MAMSTR: variants seen among roughly 807,000 people sequenced by gnomAD.
The protein encoded by MAMSTR is MEF2-activating motif and SAP domain-containing transcriptional regulator.
Under a neutral mutation model 42.7 loss-of-function variants are expected in MAMSTR, and 41 were observed. The ratio of observed to expected loss-of-function variants is 0.96; its 90% CI spans 0.75 to 1.25. The LOEUF (loss-of-function observed/expected upper bound fraction) is 1.25. Among genes scored for constraint, MAMSTR ranks in the 50% most tolerant of loss-of-function variants. The pLI is 0.00. For missense variants in MAMSTR, 567 were observed against 557.6 expected (o/e 1.02, Z -0.17); for synonymous variants, 265 against 244.1 (o/e 1.09, Z -0.80).
chr19:48,708,116 C>T (rs1026891771), downstream of MAMSTR, among the ~76,000 whole-genome samples: 1 of 151,826 alleles, frequency 6.6e-6, no homozygotes, highest in Admixed American at 6.6e-5. Flanking sequence ...TGCCTGTAAT[C>T]CCAGCTACTC....
At position 48,715,631 on chromosome 19, in the gene MAMSTR, T is replaced by C; in HGVS notation, c.234A>G (p.Pro78=). ...EPEYCPPWRS[P]KKESPKISQR... is the part of the protein sequence containing the mutation. ...CCCTCCAGTCGAGACTCACCTTCTT[T>C]GGGGACCTCCAAGGAGGACAATATT... The change falls in exon 4 of 10, where the codon CCA becomes CCG. Residue 78 remains proline, a synonymous_variant. Coordinates refer to ENST00000318083, the MANE Select transcript of MAMSTR (RefSeq NM_001130915.2). 5 of 1,539,828 alleles carry C rather than the reference T, an allele frequency of 3.2e-6. No individual in the cohort carries two copies. Among genetic ancestry groups the C allele is most frequent in the Non-Finnish European group, 4.4e-6 (5 of 1,143,874 alleles).
At chr19:48,717,693 C>G (rs1261074866) in intron 2 of MAMSTR, among the ~76,000 whole-genome samples, 2 of 151,262 alleles carry the variant, frequency 1.3e-5, no homozygotes, top group Non-Finnish European at 2.9e-5. Flanking sequence ...CACCACCACA[C>G]CCGGCTAATT....
rs577047394 is a variant in MAMSTR at position 48,714,644 on chromosome 19, C to T, written c.529-84G>A. On this transcript the variant is annotated intron_variant, in intron 6 of 9. Coordinates refer to ENST00000318083, the MANE Select transcript of MAMSTR (RefSeq NM_001130915.2). ...GGAGCTGGACAGGATATTTGGAAACCGAGAAAGGAGGCACTGGGGGTCCGG... is the reference window on the plus strand; with the variant it reads ...GGAGCTGGACAGGATATTTGGAAACTGAGAAAGGAGGCACTGGGGGTCCGG... 1,030 of 1,381,848 alleles carry T rather than the reference C, an allele frequency of 7.5e-4. 5 individuals are homozygous for T. The Middle Eastern group carries it at 0.011, about 15-fold the overall frequency. The allele number at this position is 1,381,848 out of a possible 1,614,324, so 85.6% of individuals were successfully genotyped here.
chr19:48,712,612 G>A, downstream of MAMSTR: 1 of 150,746 alleles, frequency 6.6e-6, no homozygotes. Context: ...GTGTGTGTTT[G>A]GTAGAGACAG....
At chr19:48,716,547 T>C (rs1343067626) in intron 3 of MAMSTR, among the ~76,000 whole-genome samples, 158 bp downstream of exon 3, 1 of 152,102 alleles carries the variant, frequency 6.6e-6, no homozygotes, top group East Asian at 1.9e-4. Context: ...ACCTGGACCC[T>C]GGATCCTTGG....
downstream of MAMSTR, among the ~76,000 whole-genome samples, chr19:48,712,515 G>A (rs760559684): frequency 8.6e-5 from 13 of 151,672 alleles, no homozygotes; most frequent in Non-Finnish European, 1.6e-4. Context: ...TCCGCCTCCC[G>A]GGTTCAAGCG....
At chr19:48,709,488 T>C (rs2032695357), downstream of MAMSTR, among the ~76,000 whole-genome samples, 1 of 152,212 alleles carries the variant, frequency 6.6e-6, no homozygotes, top group Non-Finnish European at 1.5e-5. Flanking sequence ...ACAGTGCTGG[T>C]GGCGCACCCA....
downstream of MAMSTR, among the ~76,000 whole-genome samples, chr19:48,708,948 G>C (rs79699031): frequency 0.02 from 3,040 of 152,188 alleles, 94 homozygotes; most frequent in African/African-American, 0.067. Context: ...AGAGTGACCT[G>C]AGTCAGGCAG....
downstream of MAMSTR, among the ~76,000 whole-genome samples, chr19:48,709,316 T>C (rs376661756): frequency 5.0e-4 from 76 of 152,026 alleles, no homozygotes; most frequent in African/African-American, 6.7e-4. Context: ...ACCCGGCTAA[T>C]TTTGTATTTT....
At chr19:48,707,837 AG>A (rs757406189), downstream of MAMSTR, among the ~76,000 whole-genome samples, 176 of 75,152 alleles carry the variant, frequency 2.3e-3, 1 homozygote, top group African/African-American at 0.01. Context: ...AAAGAAAGAA[AG>A]GAAAGAAAGA....
chr19:48,706,935 A>G, the MAMSTR span, among the ~76,000 whole-genome samples: 2 of 151,980 alleles, frequency 1.3e-5, no homozygotes, highest in African/African-American at 4.8e-5. Context: ...TGTCTCTACA[A>G]AAAATAAAAA....
At chr19:48,707,662 AC>A in the MAMSTR span, among the ~76,000 whole-genome samples, 1 of 151,182 alleles carries the variant, frequency 6.6e-6, no homozygotes, top group Non-Finnish European at 1.5e-5. Flanking sequence ...AATCACTTGA[AC>A]CCAGGAGGTG....
At chr19:48,709,323 T>C (rs1284094674), downstream of MAMSTR, among the ~76,000 whole-genome samples, 7 of 152,064 alleles carry the variant, frequency 4.6e-5, no homozygotes, top group Admixed American at 4.6e-4. Flanking sequence ...TAATTTTGTA[T>C]TTTTAGTAGA....
chr19:48,709,945 C>T (rs1601241887), downstream of MAMSTR, among the ~76,000 whole-genome samples: 1 of 151,696 alleles, frequency 6.6e-6, no homozygotes, highest in South Asian at 2.1e-4. Flanking sequence ...TCTCGGCTCA[C>T]TGCAAGCTCC....
rs746486281 is a variant in MAMSTR at position 48,713,967 on chromosome 19, G to A, written c.802C>T (p.Pro268Ser). ...DTPGTAPAPTPTPAPAAAPAL... is the reference protein window; with the variant it reads ...DTPGTAPAPTSTPAPAAAPAL... The stretch of plus-strand genomic sequence containing the variant: ...GGAGCTGCAGCAGGAGCCGGAGTGG[G>A]AGTTGGAGCCGGAGCCGTCCCCGGG... The change falls in exon 8 of 10, where the codon CCC becomes TCC. Residue 268 changes from proline to serine, a missense_variant. Transcript: ENST00000318083. The A allele has an allele frequency of 3.1e-6, 5 of 1,613,410 alleles. No homozygotes were observed. The East Asian group carries it at 8.9e-5, about 29-fold the overall frequency.
At chr19:48,715,184 T>G in intron 5 of MAMSTR, 78 bp downstream of exon 5, 1 of 1,360,900 alleles carries the variant, frequency 7.3e-7, no homozygotes, top group Non-Finnish European at 1.0e-6. Context: ...TCCCCTAATC[T>G]TGGACTCGAG....
intron 5 of MAMSTR, 46 bp from the exon 6 acceptor site, chr19:48,714,954 G>A: frequency 3.1e-6 from 4 of 1,280,262 alleles, no homozygotes; most frequent in East Asian, 2.3e-5. Context: ...GAGGTAGAGG[G>A]GGAAAAGGCG....
downstream of MAMSTR, among the ~76,000 whole-genome samples, chr19:48,707,808 GA>G (rs2032664777): frequency 2.5e-5 from 1 of 40,500 alleles, no homozygotes; most frequent in Non-Finnish European, 7.1e-5. Flanking sequence ...AGGAAGGAAG[GA>G]AAGAAAGAAA....
the MAMSTR span, among the ~76,000 whole-genome samples, chr19:48,706,598 T>C: frequency 5.9e-5 from 9 of 152,130 alleles, no homozygotes; most frequent in Middle Eastern, 3.4e-3. Flanking sequence ...GATCACACCA[T>C]TGCACTGCAG....
Sources: allele counts gnomAD v4.1 joint callset (sites outside exome capture counted in the v4.1 genomes callset), GRCh38; gene constraint gnomAD v4.1.1; transcripts MANE v1.5; gene names NCBI Gene and HGNC (gene_info 2026-07-23, HGNC 2026-07-21).